Variants in PRIMA1 observed in about 807,000 individuals in gnomAD.
PRIMA1 encodes proline-rich membrane anchor 1.
In PRIMA1, 7 loss-of-function variants were observed where a neutral mutation model predicts 17.5. The observed-to-expected ratio is 0.40, with a 90% CI of 0.23 to 0.75. PRIMA1 has a LOEUF of 0.75. PRIMA1 is among the 30% of genes least tolerant of loss of function. PRIMA1 has a pLI of 0.37. For missense variants in PRIMA1, 200 were observed against 201.8 expected, an observed-to-expected ratio of 0.99 and a Z score of 0.05; for synonymous variants, 97 against 77.9, an observed-to-expected ratio of 1.25 and a Z score of -1.29.
chr14:93,758,349 G>A (rs930223300), intron 3 of PRIMA1, among the ~76,000 whole-genome samples: 2 of 152,118 alleles, frequency 1.3e-5, no homozygotes, highest in Non-Finnish European at 2.9e-5. Flanking sequence ...ACTTTGGGAG[G>A]CCGAGGCAAG....
chr14:93,785,906 A>ACACACACAC (rs1190367284), intron 2 of PRIMA1, among the ~76,000 whole-genome samples: 9 of 110,880 alleles, frequency 8.1e-5, no homozygotes, highest in African/African-American at 2.4e-4. Flanking sequence ...CCCTGCATAC[A>ACACACACAC]CACACACACA....
intron 4 of PRIMA1, among the ~76,000 whole-genome samples, chr14:93,728,647 G>A (rs962572054): frequency 5.3e-5 from 8 of 152,134 alleles, no homozygotes; most frequent in African/African-American, 1.7e-4. Flanking sequence ...AGCATGTCTG[G>A]AGAGATGGGT....
intron 3 of PRIMA1, among the ~76,000 whole-genome samples, chr14:93,738,650 C>T (rs1440617408): frequency 1.3e-5 from 2 of 152,138 alleles, no homozygotes; most frequent in Non-Finnish European, 2.9e-5. Flanking sequence ...TGGATGGCTT[C>T]ATTATTATGA....
chr14:93,743,121 G>C (rs909613623), intron 3 of PRIMA1, among the ~76,000 whole-genome samples: 48 of 152,226 alleles, frequency 3.2e-4, no homozygotes, highest in Admixed American at 3.1e-3. Context: ...CCATGTTCTT[G>C]GTTTTAAAAT....
At chr14:93,743,542 C>G (rs2076197050) in intron 3 of PRIMA1, among the ~76,000 whole-genome samples, 1 of 152,222 alleles carries the variant, frequency 6.6e-6, no homozygotes, top group African/African-American at 2.4e-5. Flanking sequence ...TTGTCTAGGA[C>G]CCCCCTGTGC....
intron 4 of PRIMA1, among the ~76,000 whole-genome samples, chr14:93,734,679 C>T (rs2076137733): frequency 6.6e-6 from 1 of 151,978 alleles, no homozygotes; most frequent in Non-Finnish European, 1.5e-5. Flanking sequence ...TGGAAGAAGC[C>T]CCGCCCACAC....
At chr14:93,770,361 C>A (rs1396783465) in intron 3 of PRIMA1, among the ~76,000 whole-genome samples, 1 of 152,232 alleles carries the variant, frequency 6.6e-6, no homozygotes, top group African/African-American at 2.4e-5. Context: ...CTTCTCTAGC[C>A]TCCACGGCCC....
At chr14:93,729,258 A>G (rs2076098736) in intron 4 of PRIMA1, among the ~76,000 whole-genome samples, 1 of 152,254 alleles carries the variant, frequency 6.6e-6, no homozygotes, top group Non-Finnish European at 1.5e-5. Context: ...ACTTGCCCTC[A>G]GGAGGCCCTT....
chr14:93,727,460 T>TCCTTCAAG (rs2076085851), intron 4 of PRIMA1, among the ~76,000 whole-genome samples: 2 of 152,168 alleles, frequency 1.3e-5, no homozygotes, highest in Non-Finnish European at 2.9e-5. Flanking sequence ...TCGGTGACTG[T>TCCTTCAAG]CCTTCAAGCC....
intron 4 of PRIMA1, among the ~76,000 whole-genome samples, chr14:93,724,194 A>G (rs1015233022): frequency 2.0e-5 from 3 of 152,108 alleles, no homozygotes; most frequent in Non-Finnish European, 2.9e-5. Context: ...AGGTATTCCC[A>G]TATGAGCTCT....
chr14:93,777,354 T>C lies in PRIMA1; in HGVS notation c.229+1822A>G, dbSNP rs559739517. Among the ~76,000 whole-genome samples the C allele has an allele frequency of 1.5e-3, 221 of 152,200 alleles. 1 individual carries two copies. Among genetic ancestry groups the C allele is most frequent in the Non-Finnish European group, 2.3e-3 (155 of 68,000 alleles). On this transcript the variant is annotated intron_variant, in intron 3 of 4. Coordinates refer to ENST00000393140, the MANE Select transcript of PRIMA1 (RefSeq NM_178013.4). ...AACAATCCCATTCATTCTTTTTTTTTGAGACGGAGTCTCACTCTGTGGCCC... is the reference window on the plus strand; with the variant it reads ...AACAATCCCATTCATTCTTTTTTTTCGAGACGGAGTCTCACTCTGTGGCCC...
rs555543466 is a variant in PRIMA1 at position 93,740,098 on chromosome 14, G to C, written c.230-2728C>G. ...ATCAATAAATAAAATAAAATAAAAA[G>C]AAAGAAATGCTTCCTGAGAGATGGC... On this transcript the variant is annotated intron_variant, in intron 3 of 4. Coordinates refer to ENST00000393140, the MANE Select transcript of PRIMA1 (RefSeq NM_178013.4). 1.2e-3 allele frequency among the ~76,000 whole-genome samples: 178 copies of C among 151,810 alleles called. 1 individual carries two copies. Among genetic ancestry groups the C allele is most frequent in the Non-Finnish European group, 2.2e-3 (152 of 67,888 alleles).
intron 3 of PRIMA1, among the ~76,000 whole-genome samples, chr14:93,747,836 A>AGTGTATGAGTGT (rs1037920318): frequency 7.2e-6 from 1 of 138,356 alleles, no homozygotes; most frequent in East Asian, 2.2e-4. Flanking sequence ...TGTGTGTGAG[A>AGTGTATGAGTGT]GTGTATGAGT....
At chr14:93,767,624 G>T (rs1001668400) in intron 3 of PRIMA1, among the ~76,000 whole-genome samples, 1 of 152,220 alleles carries the variant, frequency 6.6e-6, no homozygotes, top group Non-Finnish European at 1.5e-5. Flanking sequence ...GGGTGCCGGA[G>T]CTAGCCCTTG....
At chr14:93,725,158 C>T (rs918437829) in intron 4 of PRIMA1, among the ~76,000 whole-genome samples, 1 of 150,604 alleles carries the variant, frequency 6.6e-6, no homozygotes, top group African/African-American at 2.4e-5. Flanking sequence ...GTTTCCCAGA[C>T]AGGAAAGCAG....
intron 4 of PRIMA1, among the ~76,000 whole-genome samples, chr14:93,728,498 G>A (rs1301242013): frequency 1.3e-5 from 2 of 152,086 alleles, no homozygotes; most frequent in Non-Finnish European, 1.5e-5. Context: ...AGGAGCAGTG[G>A]GGCAGAAGCC....
chr14:93,758,594 C>CAA lies in PRIMA1; in HGVS notation c.229+20580_229+20581dup, dbSNP rs34329291. 2.2e-3 allele frequency among the ~76,000 whole-genome samples: 178 copies of CAA among 81,268 alleles called. 3 individuals are homozygous for CAA. The highest frequency in any genetic ancestry group is 7.1e-3 in the African/African-American group (142 of 20,120). The allele number at this position is 81,268 out of a possible 152,430, so 53.3% of individuals were successfully genotyped here. A position where few individuals can be genotyped will look rare whatever the true frequency, so the allele number is the denominator to read the frequency against. On this transcript the variant is annotated intron_variant, in intron 3 of 4. Coordinates refer to ENST00000393140, the MANE Select transcript of PRIMA1 (RefSeq NM_178013.4). ...AGCGTGGGCAACAGAGCAAGACTCT[C>CAA]AAAAAAAAAAAAAAAAAAGAAAAAG...
At chr14:93,722,670 T>C (rs1057036289) in intron 4 of PRIMA1, among the ~76,000 whole-genome samples, 1 of 64,724 alleles carries the variant, frequency 1.5e-5, no homozygotes, top group African/African-American at 6.1e-5. Flanking sequence ...ATAGCGGTAA[T>C]GATGATGGGG....
chr14:93,743,172 G>A (rs1323828841), intron 3 of PRIMA1, among the ~76,000 whole-genome samples: 1 of 152,186 alleles, frequency 6.6e-6, no homozygotes, highest in East Asian at 1.9e-4. Context: ...CCACTGCTGG[G>A]TCTCTTGACC....
Sources: allele counts gnomAD v4.1 joint callset (sites outside exome capture counted in the v4.1 genomes callset), GRCh38; gene constraint gnomAD v4.1.1; transcripts MANE v1.5; gene names NCBI Gene and HGNC (gene_info 2026-07-23, HGNC 2026-07-21).